The following MDFIC variants were observed in gnomAD, a reference collection of about 807,000 sequenced individuals.
MDFIC encodes the protein MyoD family inhibitor domain containing, also known as myoD family inhibitor domain-containing protein.
Under a neutral mutation model 23.2 loss-of-function variants are expected in MDFIC, and 17 were observed. The observed-to-expected ratio is 0.73, with a 90% CI of 0.50 to 1.10. The LOEUF (loss-of-function observed/expected upper bound fraction) is 1.10. Among genes scored for constraint, MDFIC ranks in the 50% least tolerant of loss-of-function variants. The pLI is 0.00. For missense variants in MDFIC, 356 were observed against 316.6 expected, an observed-to-expected ratio of 1.12 and a Z score of -0.95; for synonymous variants, 120 against 115.2, an observed-to-expected ratio of 1.04 and a Z score of -0.27.
chr7:114,926,349 G>T (rs539566545), intron 2 of MDFIC, among the ~76,000 whole-genome samples: 3 of 152,066 alleles, frequency 2.0e-5, no homozygotes, highest in Non-Finnish European at 4.4e-5. Context: ...AAGAAATCAG[G>T]GTAGAAGCAC....
intron 3 of MDFIC, among the ~76,000 whole-genome samples, chr7:114,955,760 GGAGCTA>G (rs2115836647): frequency 6.6e-6 from 1 of 152,254 alleles, no homozygotes; most frequent in South Asian, 2.1e-4. Flanking sequence ...CTTCTCTTAA[GGAGCTA>G]ATTTTCTCAG....
At chr7:114,971,153 T>C (rs906476759) in intron 3 of MDFIC, among the ~76,000 whole-genome samples, 11 of 152,180 alleles carry the variant, frequency 7.2e-5, no homozygotes, top group Non-Finnish European at 1.5e-4. Flanking sequence ...CCATAAAAAG[T>C]CTAACATACA....
At chr7:114,954,826 A>G (rs1296457695) in intron 3 of MDFIC, among the ~76,000 whole-genome samples, 1 of 152,126 alleles carries the variant, frequency 6.6e-6, no homozygotes, top group African/African-American at 2.4e-5. Flanking sequence ...CATTTAGTGC[A>G]GTGGGCTCTT....
chr7:115,015,565 A>G, intron 4 of MDFIC, 123 bp from the exon 5 acceptor site: 1 of 1,337,214 alleles, frequency 7.5e-7, no homozygotes, highest in Non-Finnish European at 1.0e-6. Flanking sequence ...TCACAAAGCA[A>G]ACTTCATTTG....
At position 114,979,642 on chromosome 7, in the gene MDFIC, A is replaced by G. The variant is rs191294321; in HGVS notation, c.354A>G (p.Ala118=). The stretch of plus-strand genomic sequence containing the variant: ...ACCACGGGGCCAAACACGGATCCGC[A>G]GATAATCGCAAACTTTCAGCACCTG... ...GIHHGAKHGS[A]DNRKLSAPVS... Residue 118 remains alanine (A), a synonymous_variant, in exon 4 of 5, where the codon GCA becomes GCG. Coordinates refer to ENST00000393486, the MANE Select transcript of MDFIC (RefSeq NM_001166345.3). 1.3e-4 allele frequency: 207 copies of G among 1,614,128 alleles called. No homozygotes were observed. The East Asian group carries it at 3.2e-3, about 25-fold the overall frequency.
chr7:114,942,497 A>G, intron 3 of MDFIC, 100 bp downstream of exon 3: 1 of 931,826 alleles, frequency 1.1e-6, no homozygotes, highest in Non-Finnish European at 1.5e-6. Context: ...AAATCCGTAA[A>G]TCAACAGCGT....
At chr7:114,973,004 A>G (rs911100061) in intron 3 of MDFIC, among the ~76,000 whole-genome samples, 7 of 151,766 alleles carry the variant, frequency 4.6e-5, no homozygotes, top group Non-Finnish European at 1.5e-5. Context: ...GATTGTTTAT[A>G]TTTTTAGCCG....
intron 4 of MDFIC, among the ~76,000 whole-genome samples, chr7:114,993,337 G>A (rs978231671): frequency 2.0e-5 from 3 of 151,980 alleles, no homozygotes; most frequent in African/African-American, 4.8e-5. Flanking sequence ...AGAGTTTTTT[G>A]TGTCTCTATC....
intron 4 of MDFIC, among the ~76,000 whole-genome samples, chr7:115,002,854 T>C (rs1318500733): frequency 6.6e-6 from 1 of 152,196 alleles, no homozygotes; most frequent in Non-Finnish European, 1.5e-5. Context: ...TGAACATATG[T>C]CAGTCTTTTC....
chr7:115,015,698 C>G lies in MDFIC; in HGVS notation c.504C>G (p.Val168=). The change falls in exon 5 of 5, where the codon GTC becomes GTG. Residue 168 remains valine, a synonymous_variant. Transcript: ENST00000393486. ...TCACTGAAAATGAAGATTGTTGTGT[C>G]CACTGTATCCTGGCTTGCTTGTTCT... ...KTGSSPEDCC[V]HCILACLFCE... is the part of the protein sequence containing the mutation. 1.2e-6 allele frequency: 2 copies of G among 1,614,074 alleles called. No homozygotes were observed. The highest frequency in any genetic ancestry group is 2.2e-5 in the South Asian group (2 of 91,058).
intron 4 of MDFIC, among the ~76,000 whole-genome samples, chr7:115,008,242 C>T (rs919624629): frequency 2.0e-5 from 3 of 151,252 alleles, no homozygotes; most frequent in African/African-American, 2.4e-5. Flanking sequence ...AGGATTTGCA[C>T]CTGTAGTAGG....
chr7:114,960,739 A>G (rs1009595389), intron 3 of MDFIC, among the ~76,000 whole-genome samples: 1 of 152,168 alleles, frequency 6.6e-6, no homozygotes, highest in Non-Finnish European at 1.5e-5. Flanking sequence ...TTTGTTCAAC[A>G]TGCAGATTCA....
At chr7:114,976,547 T>C (rs1392241704) in intron 3 of MDFIC, among the ~76,000 whole-genome samples, 2 of 152,166 alleles carry the variant, frequency 1.3e-5, no homozygotes, top group East Asian at 1.9e-4. Flanking sequence ...ATTTTAGTTA[T>C]GAAAAGGGCA....
At chr7:114,960,968 C>T (rs1792978704) in intron 3 of MDFIC, among the ~76,000 whole-genome samples, 1 of 152,014 alleles carries the variant, frequency 6.6e-6, no homozygotes, top group Non-Finnish European at 1.5e-5. Context: ...ACACAAAACA[C>T]AGTACTACCC....
At chr7:114,945,666 G>C (rs1398739681) in intron 3 of MDFIC, among the ~76,000 whole-genome samples, 1 of 152,178 alleles carries the variant, frequency 6.6e-6, no homozygotes, top group Non-Finnish European at 1.5e-5. Context: ...AATCTGGTCA[G>C]AGAACGCACA....
At chr7:114,956,954 G>A (rs1179548556) in intron 3 of MDFIC, among the ~76,000 whole-genome samples, 5 of 152,128 alleles carry the variant, frequency 3.3e-5, no homozygotes, top group Non-Finnish European at 5.9e-5. Flanking sequence ...GGGATAGGGT[G>A]TGTTTTGGCT....
At chr7:114,974,635 C>T (rs1793271956) in intron 3 of MDFIC, among the ~76,000 whole-genome samples, 1 of 152,036 alleles carries the variant, frequency 6.6e-6, no homozygotes. Context: ...TACACTATAG[C>T]AAAATGTTGC....
At chr7:114,953,075 T>C in intron 3 of MDFIC, among the ~76,000 whole-genome samples, 1 of 152,340 alleles carries the variant, frequency 6.6e-6, no homozygotes, top group South Asian at 2.1e-4. Flanking sequence ...AATGGTTTTG[T>C]GTAAAAATAT....
chr7:114,928,252 A>C (rs1001022175), intron 2 of MDFIC, among the ~76,000 whole-genome samples: 2 of 152,178 alleles, frequency 1.3e-5, no homozygotes, highest in Non-Finnish European at 2.9e-5. Flanking sequence ...GTTAAAGAAG[A>C]TATATCTGTA....
Sources: gnomAD v4.1 joint callset for allele counts (sites outside exome capture counted in the v4.1 genomes callset) on GRCh38, gnomAD v4.1.1 for gene constraint, MANE v1.5 for transcripts, NCBI Gene and HGNC (gene_info 2026-07-23, HGNC 2026-07-21) for gene names.